The following SLC43A1 variants were observed in gnomAD, a reference collection of about 807,000 sequenced individuals.
SLC43A1 encodes large neutral amino acids transporter small subunit 3.
SLC43A1 carries 31 observed loss-of-function variants against 59.5 expected under a neutral mutation model. The observed-to-expected ratio is 0.52, with a 90% confidence interval of 0.39 to 0.70. The LOEUF (loss-of-function observed/expected upper bound fraction) is 0.70. Among genes scored for constraint, SLC43A1 ranks in the 30% least tolerant of loss-of-function variants. The pLI, the probability that SLC43A1 is intolerant of heterozygous loss-of-function variation, is 0.00. For missense variants in SLC43A1, 598 were observed against 717.8 expected (o/e 0.83, Z 1.91); for synonymous variants, 259 against 290.9 (o/e 0.89, Z 1.12).
At chr11:57,509,102 A>C (rs1944462752) in intron 2 of SLC43A1, among the ~76,000 whole-genome samples, 1 of 146,998 alleles carries the variant, frequency 6.8e-6, no homozygotes, top group East Asian at 2.1e-4. Context: ...GGTGACGGAG[A>C]CTCTGTCTCC....
intron 13 of SLC43A1, among the ~76,000 whole-genome samples, chr11:57,488,373 C>T (rs1943803326): frequency 6.6e-6 from 1 of 152,204 alleles, no homozygotes; most frequent in Non-Finnish European, 1.5e-5. Context: ...GAGCTGCCCT[C>T]TGCCGAGACC....
At chr11:57,513,401 C>T (rs897044886) in intron 2 of SLC43A1, among the ~76,000 whole-genome samples, 1 of 152,254 alleles carries the variant, frequency 6.6e-6, no homozygotes, top group Non-Finnish European at 1.5e-5. Flanking sequence ...GTAGTTACTG[C>T]TCCCAAAGAG....
chr11:57,500,735 C>G lies in SLC43A1; in HGVS notation c.465+44G>C, dbSNP rs1447053008. On this transcript the variant is annotated intron_variant, in intron 5 of 14. Transcript: ENST00000278426. The stretch of plus-strand genomic sequence containing the variant: ...CACCCCACTCACTCTGCCCTCACCC[C>G]ACTCGGGGGAACTCTGCTGCCAGGC... 16 of 1,583,506 alleles carry G rather than the reference C, an allele frequency of 1.0e-5. 1 individual carries two copies. In the South Asian group the frequency reaches 1.4e-4, roughly 14 times the overall value.
Position 57,496,665 on chromosome 11 carries a change from T to C in SLC43A1, c.559-501A>G, listed in dbSNP as rs1944098921. On this transcript the variant is annotated intron_variant, in intron 6 of 14. Transcript: ENST00000278426. The stretch of plus-strand genomic sequence containing the variant: ...GCCTTTTCTCACCTTTCCCAGGTCC[T>C]CCCACGTGCAACAACTGGGGGGGTT... 4.6e-5 allele frequency among the ~76,000 whole-genome samples: 7 copies of C among 152,146 alleles called. No individual in the cohort carries two copies. The South Asian group carries it at 1.4e-3, about 31-fold the overall frequency.
chr11:57,497,629 T>A (rs1273861348), intron 6 of SLC43A1, 124 bp downstream of exon 6: 2 of 661,364 alleles, frequency 3.0e-6, no homozygotes, highest in Non-Finnish European at 2.6e-6. Context: ...AAGGCCTGCA[T>A]TGGGATGATG....
At chr11:57,500,200 A>G (rs1944218786) in intron 5 of SLC43A1, among the ~76,000 whole-genome samples, 1 of 152,206 alleles carries the variant, frequency 6.6e-6, no homozygotes, top group Non-Finnish European at 1.5e-5. Context: ...GTGCACGACG[A>G]GGTGTCGACA....
chr11:57,493,258 C>T (rs149008725), intron 8 of SLC43A1, among the ~76,000 whole-genome samples: 2 of 152,284 alleles, frequency 1.3e-5, no homozygotes, highest in Non-Finnish European at 2.9e-5. Flanking sequence ...TGCCCTTAGC[C>T]ATGTTGCCCT....
At chr11:57,487,037 C>T in intron 14 of SLC43A1, 58 bp downstream of exon 14, 3 of 1,588,244 alleles carry the variant, frequency 1.9e-6, no homozygotes, top group Non-Finnish European at 2.6e-6. Flanking sequence ...ATACAAGGCC[C>T]TACCCCTGCC....
At chr11:57,503,811 C>A (rs1280177661) in intron 2 of SLC43A1, among the ~76,000 whole-genome samples, 4 of 152,154 alleles carry the variant, frequency 2.6e-5, no homozygotes, top group Non-Finnish European at 4.4e-5. Context: ...GCAATGTTGA[C>A]CCTTATAGTG....
At chr11:57,500,949 T>C in intron 4 of SLC43A1, 39 bp downstream of exon 4, 1 of 1,597,504 alleles carries the variant, frequency 6.3e-7, no homozygotes, top group Non-Finnish European at 8.5e-7. Flanking sequence ...ATCCCACCTA[T>C]TCTTTTCTTG....
At chr11:57,491,976 G>A in intron 8 of SLC43A1, 114 bp from the exon 9 acceptor site, 1 of 1,026,376 alleles carries the variant, frequency 9.7e-7, no homozygotes, top group Non-Finnish European at 1.4e-6. Context: ...TTTGGAGAGA[G>A]ACTGGTTTCT....
At chr11:57,489,783 C>T (rs752072807) in intron 11 of SLC43A1, among the ~76,000 whole-genome samples, 1 of 152,228 alleles carries the variant, frequency 6.6e-6, no homozygotes, top group Non-Finnish European at 1.5e-5. Flanking sequence ...AGCTCTCACA[C>T]CGTCTCTCAT....
At chr11:57,503,093 G>A (rs1590770605) in intron 2 of SLC43A1, among the ~76,000 whole-genome samples, 1 of 151,980 alleles carries the variant, frequency 6.6e-6, no homozygotes, top group Non-Finnish European at 1.5e-5. Flanking sequence ...GAACACAAAG[G>A]CCTGGCAGAT....
At position 57,514,968 on chromosome 11, in the gene SLC43A1, G is replaced by C; in HGVS notation, c.-14+476C>G. ...GGAAAGAGCCCCAGCTCCCCCCGCCGCGGCCGCTGCAGCCTCGGCGGGAGG... is the reference window on the plus strand; with the variant it reads ...GGAAAGAGCCCCAGCTCCCCCCGCCCCGGCCGCTGCAGCCTCGGCGGGAGG... On this transcript the variant is annotated intron_variant, in intron 1 of 14. Transcript: ENST00000278426. The surrounding 1 kb of genome is among the most constrained non-coding windows in gnomAD (Gnocchi z 5.5). The C allele has an allele frequency of 3.1e-6, 3 of 974,304 alleles. No homozygotes were observed. The highest frequency in any genetic ancestry group is 3.7e-6 in the Non-Finnish European group (3 of 819,914). The allele number at this position is 974,304 out of a possible 1,614,324, so 60.4% of individuals were successfully genotyped here.
chr11:57,497,768 C>T lies in SLC43A1; in HGVS notation c.543G>A (p.Thr181=), dbSNP rs114467256. ...MIGSYASSAI[T]FPGIKLIYDA... is the part of the protein sequence containing the mutation. ...GGCCTCATACCTTGATTCCTGGGAA[C>T]GTAATGGCAGAAGAGGCGTAAGAGC... Residue 181 remains threonine, a synonymous_variant, in exon 6 of 15, where the codon ACG becomes ACA. Transcript: ENST00000278426. 5,049 of 1,613,258 alleles carry T rather than the reference C, an allele frequency of 3.1e-3. 134 individuals carry two copies. The African/African-American group carries it at 0.06, about 19-fold the overall frequency.
Position 57,515,202 on chromosome 11 carries a change from C to G in SLC43A1, c.-14+242G>C. 1 of 301,526 alleles carries G rather than the reference C, an allele frequency of 3.3e-6. No homozygotes were observed. Among genetic ancestry groups the G allele is most frequent in the Non-Finnish European group, 4.9e-6 (1 of 204,748 alleles). The allele number at this position is 301,526 out of a possible 1,614,324, so 18.7% of individuals were successfully genotyped here. On this transcript the variant is annotated intron_variant, in intron 1 of 14. Transcript: ENST00000278426. This position sits in a 1 kb window ranked among gnomAD's most constrained non-coding sequence, Gnocchi z 5.3. ...CTGGAACTCTGGCAAACGCGCAGCT[C>G]TAAGCAGAGGAAGTGCAGCGAGCGG... is the stretch of plus-strand genomic sequence containing the variant.
chr11:57,492,573 TAA>T (rs775185880), intron 8 of SLC43A1, among the ~76,000 whole-genome samples: 309 of 12,470 alleles, frequency 0.025, 4 homozygotes, highest in East Asian at 0.14. Context: ...TATATATATA[TAA>T]AAAAATAAGC....
At chr11:57,486,952 G>A (rs1336009697) in intron 14 of SLC43A1, 143 bp downstream of exon 14, 1 of 782,416 alleles carries the variant, frequency 1.3e-6, no homozygotes, top group African/African-American at 1.7e-5. Context: ...GTTCTAAAAG[G>A]CAGACAACTT....
intron 8 of SLC43A1, among the ~76,000 whole-genome samples, chr11:57,492,430 A>T (rs989349302): frequency 4.4e-5 from 6 of 135,442 alleles, no homozygotes; most frequent in African/African-American, 1.1e-4. Context: ...ATCTCTAAAA[A>T]ATATATATAT....
Sources: allele counts gnomAD v4.1 joint callset (sites outside exome capture counted in the v4.1 genomes callset), GRCh38; gene constraint gnomAD v4.1.1; non-coding constraint Gnocchi (gnomAD v3.1); transcripts MANE v1.5; gene names NCBI Gene and HGNC (gene_info 2026-07-23, HGNC 2026-07-21).